The following TIMM23 variants were observed in gnomAD, a reference collection of about 807,000 sequenced individuals.
TIMM23 encodes the protein mitochondrial import inner membrane translocase subunit Tim23.
A neutral mutation model predicts 30.7 loss-of-function variants in TIMM23; 19 were observed. The observed-to-expected ratio is 0.62, with a 90% CI of 0.43 to 0.91. TIMM23 has a LOEUF of 0.91. Ranked by LOEUF, TIMM23 falls within the 40% of genes least tolerant of loss-of-function variation. The pLI, the probability that TIMM23 is intolerant of heterozygous loss-of-function variation, is 0.00. For synonymous variants in TIMM23, 78 were observed against 98.5 expected (o/e 0.79, Z 1.23); for missense variants, 202 against 269.2 (o/e 0.75, Z 1.75).
chr10:45,981,168 A>G (rs1554913958), intron 2 of TIMM23, among the ~76,000 whole-genome samples: 1 of 148,322 alleles, frequency 6.7e-6, no homozygotes. Flanking sequence ...CGAACTCCTG[A>G]GCTCTGGCAG....
At chr10:45,996,187 C>T (rs1209250894) in intron 6 of TIMM23, among the ~76,000 whole-genome samples, 3 of 142,074 alleles carry the variant, frequency 2.1e-5, no homozygotes, top group Non-Finnish European at 4.5e-5. Context: ...CAGTGAAACC[C>T]CGTCTCTACT....
At chr10:46,002,806 T>C (rs113671807) in intron 6 of TIMM23, among the ~76,000 whole-genome samples, 88 of 144,454 alleles carry the variant, frequency 6.1e-4, no homozygotes, top group Non-Finnish European at 1.1e-3. Flanking sequence ...CTCCATTTCA[T>C]AGTATTTTTT....
At position 45,988,765 on chromosome 10, in the gene TIMM23, C is replaced by G; in HGVS notation, c.432C>G (p.Ile144Met). 6.2e-7 allele frequency: 1 copy of G among 1,613,860 alleles called. No homozygotes were observed. Among genetic ancestry groups the G allele is most frequent in the Non-Finnish European group, 8.5e-7 (1 of 1,179,806 alleles). ...TGCTCTATAGTGCATTTGGTGTCAT[C>G]ATTGAGAAAACACGAGGTGCAGAAG... ...LALLYSAFGVIIEKTRGAEDD... is the reference protein window; with the variant it reads ...LALLYSAFGVMIEKTRGAEDD... Residue 144 changes from isoleucine (I) to methionine (M), a missense_variant, in exon 6 of 7, where the codon ATC becomes ATG. Physicochemically the swap from Ile to Met is conservative, Grantham distance 10. Coordinates refer to ENST00000580018, the MANE Select transcript of TIMM23 (RefSeq NM_006327.4).
At chr10:45,980,208 TAAAG>T (rs1837802210) in intron 2 of TIMM23, among the ~76,000 whole-genome samples, 1 of 151,236 alleles carries the variant, frequency 6.6e-6, no homozygotes, top group Non-Finnish European at 1.5e-5. Context: ...AGAGACATCT[TAAAG>T]AAAATAGTAC....
intron 6 of TIMM23, among the ~76,000 whole-genome samples, chr10:45,991,737 G>A (rs1326216706): frequency 6.6e-6 from 1 of 151,198 alleles, no homozygotes; most frequent in African/African-American, 2.4e-5. Flanking sequence ...GGCAATAAGA[G>A]TGAAACTCTG....
intron 6 of TIMM23, among the ~76,000 whole-genome samples, chr10:46,000,400 G>A (rs782515782): frequency 6.6e-6 from 1 of 152,170 alleles, no homozygotes; most frequent in Non-Finnish European, 1.5e-5. Flanking sequence ...CTGACTTCCC[G>A]CAACAGATGG....
intron 6 of TIMM23, among the ~76,000 whole-genome samples, chr10:46,000,105 T>C: frequency 6.6e-6 from 1 of 152,284 alleles, no homozygotes; most frequent in South Asian, 2.1e-4. Context: ...GCTCTACAAT[T>C]TGTGCGGTTA....
chr10:45,979,638 A>G (rs4376847), intron 2 of TIMM23, among the ~76,000 whole-genome samples: 1 of 90,494 alleles, frequency 1.1e-5, no homozygotes, highest in East Asian at 3.4e-4. Context: ...TTTTTTAAGC[A>G]TTATGGTTGG....
chr10:45,985,531 G>A (rs1463452040), intron 5 of TIMM23, 90 bp downstream of exon 5: 44 of 1,451,538 alleles, frequency 3.0e-5, no homozygotes, highest in Non-Finnish European at 4.0e-5. Context: ...TCTGGTCCTA[G>A]GATATGAGAC....
rs4406782 is a variant in TIMM23, at chr10:45,978,976, G to A, written c.165+3464G>A. On this transcript the variant is annotated intron_variant, in intron 2 of 6. Coordinates refer to ENST00000580018, the MANE Select transcript of TIMM23 (RefSeq NM_006327.4). ...GTAATAAAAAAAGAATTATTAAATTGTGCTACAATATAAATGAACCTTTAA... is the reference window on the plus strand; with the variant it reads ...GTAATAAAAAAAGAATTATTAAATTATGCTACAATATAAATGAACCTTTAA... 4.7e-3 allele frequency among the ~76,000 whole-genome samples: 719 copies of A among 152,330 alleles called. 5 individuals carry two copies. Among genetic ancestry groups the A allele is most frequent in the East Asian group, 0.019 (98 of 5,192 alleles).
chr10:45,988,772 A>G lies in TIMM23; in HGVS notation c.439A>G (p.Lys147Glu). 2 of 1,613,912 alleles carry G rather than the reference A, an allele frequency of 1.2e-6. No individual in the cohort carries two copies. The highest frequency in any genetic ancestry group is 1.7e-5 in the Admixed American group (1 of 60,010). ...TAGTGCATTTGGTGTCATCATTGAGAAAACACGAGGTGCAGAAGATGACCT... is the reference window on the plus strand; with the variant it reads ...TAGTGCATTTGGTGTCATCATTGAGGAAACACGAGGTGCAGAAGATGACCT... Reference protein sequence around the residue: ...LYSAFGVIIEKTRGAEDDLNT... With the variant: ...LYSAFGVIIEETRGAEDDLNT... Residue 147 changes from lysine to glutamate, a missense_variant, in exon 6 of 7, where the codon AAA becomes GAA. By Grantham distance (56) the Lys-to-Glu change is moderately conservative. Transcript: ENST00000580018.
At chr10:46,002,808 G>GTTTT (rs1249590709) in intron 6 of TIMM23, among the ~76,000 whole-genome samples, 15 of 115,506 alleles carry the variant, frequency 1.3e-4, no homozygotes, top group Middle Eastern at 5.2e-3. Context: ...CCATTTCATA[G>GTTTT]TATTTTTTTT....
chr10:45,992,554 T>G (rs1237774972), intron 6 of TIMM23: 1 of 430,348 alleles, frequency 2.3e-6, no homozygotes, highest in Non-Finnish European at 4.5e-6. Flanking sequence ...CAATTAAGCT[T>G]TTTTTTCCTT....
chr10:45,980,586 G>A (rs1372024775), intron 2 of TIMM23, among the ~76,000 whole-genome samples: 9 of 151,600 alleles, frequency 5.9e-5, no homozygotes, highest in South Asian at 4.2e-4. Context: ...TGTTAAACAC[G>A]CAAAATTATA....
intron 2 of TIMM23, 51 bp downstream of exon 2, chr10:45,975,563 A>G: frequency 6.2e-7 from 1 of 1,611,350 alleles, no homozygotes; most frequent in Non-Finnish European, 8.5e-7. Flanking sequence ...ATTTTAAAAA[A>G]AACGCCAAGT....
At chr10:45,978,083 G>T (rs1837731646) in intron 2 of TIMM23, among the ~76,000 whole-genome samples, 1 of 152,072 alleles carries the variant, frequency 6.6e-6, no homozygotes, top group Non-Finnish European at 1.5e-5. Context: ...TGGCGCAGTG[G>T]CTCGTGCCTA....
intron 2 of TIMM23, among the ~76,000 whole-genome samples, chr10:45,979,569 A>C (rs1468056431): frequency 4.9e-5 from 7 of 143,158 alleles, no homozygotes; most frequent in Non-Finnish European, 7.5e-5. Flanking sequence ...GGCCTCCCAA[A>C]GTGCTGGAAT....
At chr10:45,979,366 A>G (rs1180536810) in intron 2 of TIMM23, among the ~76,000 whole-genome samples, 2 of 152,192 alleles carry the variant, frequency 1.3e-5, no homozygotes, top group East Asian at 3.8e-4. Flanking sequence ...GCAGCATCAT[A>G]GCTCACTGTA....
In TIMM23 at chr10:45,972,658, A is replaced by C; in HGVS notation, c.34A>C (p.Thr12Pro). ...AGGCGGGGGAAGCGGCAACAAAACC[A>C]CAGGGGGATTGGCCGGCTTTTTCGG... ...EGGGGSGNKT[T>P]GGLAGFFGAG... is the part of the protein sequence containing the mutation. Residue 12 changes from threonine (T) to proline (P), a missense_variant, in exon 1 of 7, where the codon ACA (threonine) becomes CCA (proline). Thr to Pro is a conservative substitution (Grantham distance 38). Coordinates refer to ENST00000580018, the MANE Select transcript of TIMM23 (RefSeq NM_006327.4). 6.2e-7 allele frequency: 1 copy of C among 1,614,008 alleles called. No homozygotes were observed. The highest frequency in any genetic ancestry group is 8.5e-7 in the Non-Finnish European group (1 of 1,179,882).
Sources: gnomAD v4.1 joint callset for allele counts (sites outside exome capture counted in the v4.1 genomes callset) on GRCh38, gnomAD v4.1.1 for gene constraint, MANE v1.5 for transcripts, NCBI Gene and HGNC (gene_info 2026-07-23, HGNC 2026-07-21) for gene names.